The following ST6GALNAC3 variants were observed in gnomAD, a reference collection of about 807,000 sequenced individuals.
ST6GALNAC3 encodes the protein alpha-N-acetylgalactosaminide alpha-2,6-sialyltransferase 3.
A neutral mutation model predicts 32.7 loss-of-function variants in ST6GALNAC3; 25 were observed. The ratio of observed to expected loss-of-function variants is 0.76; its 90% CI spans 0.56 to 1.07. The LOEUF is 1.07. ST6GALNAC3 is among the 50% of genes least tolerant of loss of function. ST6GALNAC3 has a pLI of 0.00. For missense variants in ST6GALNAC3, 355 were observed against 382.4 expected (o/e 0.93, Z 0.60); for synonymous variants, 129 against 133.1 (o/e 0.97, Z 0.21).
chr1:76,413,374 T>C (rs564380629), intron 3 of ST6GALNAC3, among the ~76,000 whole-genome samples: 1 of 152,320 alleles, frequency 6.6e-6, no homozygotes, highest in Admixed American at 6.5e-5. Flanking sequence ...TTGTGCAATA[T>C]CATGGATAAA....
chr1:76,546,022 A>G (rs1190466695), intron 3 of ST6GALNAC3, among the ~76,000 whole-genome samples: 3 of 152,154 alleles, frequency 2.0e-5, no homozygotes, highest in Non-Finnish European at 4.4e-5. Context: ...TGTACATTTC[A>G]TTATTGTTTC....
intron 2 of ST6GALNAC3, among the ~76,000 whole-genome samples, chr1:76,333,048 T>G (rs1310404088): frequency 6.6e-6 from 1 of 152,208 alleles, no homozygotes; most frequent in Non-Finnish European, 1.5e-5. Flanking sequence ...ATCTCAAGTC[T>G]TCTTCTTCCA....
At chr1:76,308,013 G>C (rs1438668763) in intron 1 of ST6GALNAC3, 2 of 423,836 alleles carry the variant, frequency 4.7e-6, no homozygotes, top group Non-Finnish European at 4.9e-6. Context: ...TGTCTCAGCT[G>C]TTAAAGGCCC....
chr1:76,154,628 C>T (rs2783658), intron 1 of ST6GALNAC3, among the ~76,000 whole-genome samples: 22,525 of 152,084 alleles, frequency 0.15, 1,989 homozygotes, highest in African/African-American at 0.24. Flanking sequence ...TTCTTTGTCC[C>T]TAACCTGGTT....
intron 3 of ST6GALNAC3, among the ~76,000 whole-genome samples, chr1:76,595,313 C>G (rs879728730): frequency 6.6e-6 from 1 of 152,088 alleles, no homozygotes; most frequent in African/African-American, 2.4e-5. Context: ...AGTAAACAAG[C>G]CTGTTTACGC....
intron 1 of ST6GALNAC3, among the ~76,000 whole-genome samples, chr1:76,076,871 C>CA (rs760785329): frequency 1.3e-5 from 2 of 152,206 alleles, no homozygotes; most frequent in Non-Finnish European, 2.9e-5. Context: ...GGGTTAATGA[C>CA]AGAGTGATCC....
chr1:76,477,377 TG>T (rs2101643606), intron 3 of ST6GALNAC3, among the ~76,000 whole-genome samples: 1 of 152,314 alleles, frequency 6.6e-6, no homozygotes, highest in African/African-American at 2.4e-5. Context: ...GCTGAGGTCC[TG>T]GCCCCAGGCC....
At chr1:76,190,106 G>A (rs554755858) in intron 1 of ST6GALNAC3, among the ~76,000 whole-genome samples, 8 of 152,176 alleles carry the variant, frequency 5.3e-5, no homozygotes, top group East Asian at 1.9e-4. Context: ...TTAATGAAAC[G>A]AAAATAATGT....
chr1:76,105,093 G>A (rs1647429682), intron 1 of ST6GALNAC3, among the ~76,000 whole-genome samples: 2 of 152,188 alleles, frequency 1.3e-5, no homozygotes, highest in Admixed American at 6.5e-5. Flanking sequence ...TCTCTCTGAA[G>A]CTTTTCTCAT....
intron 1 of ST6GALNAC3, among the ~76,000 whole-genome samples, chr1:76,168,071 G>A (rs1425821221): frequency 1.3e-5 from 2 of 151,970 alleles, no homozygotes; most frequent in East Asian, 3.9e-4. Flanking sequence ...CTTTAGTTGT[G>A]ATGTTAGGTT....
At chr1:76,089,920 G>C (rs1197444277) in intron 1 of ST6GALNAC3, among the ~76,000 whole-genome samples, 1 of 152,180 alleles carries the variant, frequency 6.6e-6, no homozygotes, top group African/African-American at 2.4e-5. Context: ...ATCTCTTTGA[G>C]GTAGATGTGT....
At chr1:76,195,828 C>T (rs1654171932) in intron 1 of ST6GALNAC3, among the ~76,000 whole-genome samples, 1 of 152,154 alleles carries the variant, frequency 6.6e-6, no homozygotes, top group South Asian at 2.1e-4. Context: ...AAGTCAGGAA[C>T]AAGCATGGGC....
chr1:76,283,116 C>T (rs995300632), intron 1 of ST6GALNAC3, among the ~76,000 whole-genome samples: 1 of 152,058 alleles, frequency 6.6e-6, no homozygotes, highest in African/African-American at 2.4e-5. Context: ...CCCTCAGTGA[C>T]CTCTGAGCTT....
chr1:76,501,584 C>T (rs924968299), intron 3 of ST6GALNAC3, among the ~76,000 whole-genome samples: 1 of 152,064 alleles, frequency 6.6e-6, no homozygotes, highest in East Asian at 1.9e-4. Context: ...AAAAACCACG[C>T]CTAATAAGGA....
intron 1 of ST6GALNAC3, among the ~76,000 whole-genome samples, chr1:76,104,841 G>A (rs892955703): frequency 2.4e-4 from 36 of 152,026 alleles, no homozygotes; most frequent in African/African-American, 8.0e-4. Context: ...CCTCACCTGC[G>A]GCAGACAAGA....
At chr1:76,190,095 T>G (rs1160570813) in intron 1 of ST6GALNAC3, among the ~76,000 whole-genome samples, 1 of 152,194 alleles carries the variant, frequency 6.6e-6, no homozygotes, top group African/African-American at 2.4e-5. Flanking sequence ...CTCGTTGGTA[T>G]TTAATGAAAC....
intron 1 of ST6GALNAC3, among the ~76,000 whole-genome samples, chr1:76,202,646 C>T (rs151102761): frequency 6.6e-6 from 1 of 152,180 alleles, no homozygotes; most frequent in Non-Finnish European, 1.5e-5. Flanking sequence ...AGTCAGAGTA[C>T]CTATTCCCAA....
At chr1:76,439,681 T>A (rs1429019404) in intron 3 of ST6GALNAC3, among the ~76,000 whole-genome samples, 3 of 152,192 alleles carry the variant, frequency 2.0e-5, no homozygotes, top group Admixed American at 6.5e-5. Context: ...GTTCATGCAG[T>A]TAGTAAACAC....
intron 3 of ST6GALNAC3, among the ~76,000 whole-genome samples, chr1:76,594,225 A>G (rs1647093952): frequency 6.6e-6 from 1 of 152,222 alleles, no homozygotes; most frequent in East Asian, 1.9e-4. Flanking sequence ...CTATTTCTAC[A>G]TATCCAGAAC....
Sources: gnomAD v4.1 joint callset for allele counts (sites outside exome capture counted in the v4.1 genomes callset) on GRCh38, gnomAD v4.1.1 for gene constraint, MANE v1.5 for transcripts, NCBI Gene and HGNC (gene_info 2026-07-23, HGNC 2026-07-21) for gene names.